Variants in ZNF316 observed in about 807,000 individuals in gnomAD.
ZNF316 encodes the protein zinc finger protein 316.
A neutral mutation model predicts 75.6 loss-of-function variants in ZNF316; 23 were observed. That is an observed-to-expected ratio of 0.30 (90% CI 0.22 to 0.43). The LOEUF (loss-of-function observed/expected upper bound fraction) is 0.43, where lower values mean the gene tolerates loss of function less well. Ranked by LOEUF, ZNF316 falls within the 20% of genes least tolerant of loss-of-function variation. The probability of loss-of-function intolerance (pLI) is 1.00; values close to 1 mark genes in which losing one functional copy is unlikely to be tolerated. For missense variants in ZNF316, 1,266 were observed against 1,409.4 expected (o/e 0.90, Z 1.63); for synonymous variants, 827 against 666.2 (o/e 1.24, Z -3.72).
intron 2 of ZNF316, among the ~76,000 whole-genome samples, chr7:6,638,318 C>T (rs996024180): frequency 5.9e-5 from 9 of 152,176 alleles, no homozygotes; most frequent in African/African-American, 2.2e-4. Flanking sequence ...ATCCAGAATC[C>T]GAGGACAGAC....
chr7:6,637,469 G>T lies in ZNF316; in HGVS notation c.-431+22G>T. 6.8e-6 allele frequency: 1 copy of T among 146,332 alleles called. No homozygotes were observed. The highest frequency in any genetic ancestry group is 1.9e-4 in the South Asian group (1 of 5,326). The allele number at this position is 146,332 out of a possible 1,614,324, so 9.1% of individuals were successfully genotyped here. On this transcript the variant is annotated intron_variant, in intron 1 of 8. Transcript: ENST00000382252. The surrounding 1 kb of genome is among the most constrained non-coding windows in gnomAD (Gnocchi z 6.2). Reference sequence around the variant, plus strand: ...CGCGGTGAGTGGGTCTCGCGGGGCCGGTGGGCGGCGGCGCGGGCGGCAGGT... The same window carrying T: ...CGCGGTGAGTGGGTCTCGCGGGGCCTGTGGGCGGCGGCGCGGGCGGCAGGT...
At position 6,654,831 on chromosome 7, in the gene ZNF316, C is replaced by T. The variant is rs955586972; in HGVS notation, c.*220C>T. 2.2e-5 allele frequency: 7 copies of T among 320,972 alleles called. No individual in the cohort carries two copies. The highest frequency in any genetic ancestry group is 1.3e-4 in the African/African-American group (6 of 44,900). 19.9% of individuals were successfully genotyped at this position (320,972 alleles called of 1,614,324 possible). ...TCTGGGGAGAAGAGCAGCGCGGAGG[C>T]AGCGAGGCCAGGACGTCACCCCCAC... On this transcript the variant is annotated 3_prime_UTR_variant, in exon 9 of 9. Coordinates refer to ENST00000382252, the MANE Select transcript of ZNF316 (RefSeq NM_001278559.2).
rs528297003 is a variant in ZNF316 at position 6,642,356 on chromosome 7, G to A, written c.-28-26G>A. ...CCGTGTGGTGTGCTGAGAGCAGCCC[G>A]TCACTGGCGTCCATCTGCATTTCAG... is the stretch of plus-strand genomic sequence containing the variant. On this transcript the variant is annotated intron_variant, in intron 4 of 8. Transcript: ENST00000382252. The surrounding 1 kb of genome is among the most constrained non-coding windows in gnomAD (Gnocchi z 8.1). 4.3e-6 allele frequency: 5 copies of A among 1,156,868 alleles called. No homozygotes were observed. Among genetic ancestry groups the A allele is most frequent in the South Asian group, 8.9e-5 (2 of 22,454 alleles). 71.7% of individuals were successfully genotyped at this position (1,156,868 alleles called of 1,614,324 possible). A position where few individuals can be genotyped will look rare whatever the true frequency, so the allele number is the denominator to read the frequency against.
chr7:6,643,012 A>G lies in ZNF316; in HGVS notation c.404A>G (p.Glu135Gly). 8.1e-7 allele frequency: 1 copy of G among 1,238,624 alleles called. No individual in the cohort carries two copies. The highest frequency in any genetic ancestry group is 1.0e-6 in the Non-Finnish European group (1 of 992,014). 76.7% of individuals were successfully genotyped at this position (1,238,624 alleles called of 1,614,324 possible). A position where few individuals can be genotyped will look rare whatever the true frequency, so the allele number is the denominator to read the frequency against. ...APATPRDEDL[E>G]EEEEEEEDED... ...GCCACTCCTAGGGATGAGGACCTGG[A>G]GGAGGAGGAAGAGGAGGAGGAGGAT... The change falls in exon 6 of 9, where the codon GAG (glutamate) becomes GGG (glycine). Residue 135 changes from glutamate to glycine, a missense_variant. This residue lies in a region of ZNF316 where 961 missense variants were observed against 990.9 expected (regional missense o/e 0.97). Transcript: ENST00000382252.
rs1474726526 is a variant in ZNF316 at position 6,656,798 on chromosome 7, A to G, written c.*2187A>G. Among the ~76,000 whole-genome samples, 1 of 152,158 alleles carries G rather than the reference A, an allele frequency of 6.6e-6. No individual in the cohort carries two copies. The highest frequency in any genetic ancestry group is 1.5e-5 in the Non-Finnish European group (1 of 68,034). On this transcript the variant is annotated 3_prime_UTR_variant, in exon 9 of 9. Transcript: ENST00000382252. Reference sequence around the variant, plus strand: ...CAGCCCTTTCTTCAGAGGCCCCAGCACCATGTGGCTCATCCAGGGCTCACC... The same window carrying G: ...CAGCCCTTTCTTCAGAGGCCCCAGCGCCATGTGGCTCATCCAGGGCTCACC...
chr7:6,654,714 C>G lies in ZNF316; in HGVS notation c.*103C>G. ...GCCCCGGGAGGCTGAGGGTCCCAGTCCTGGGTGCGGTGCCTTCCCTCAGCC... is the reference window on the plus strand; with the variant it reads ...GCCCCGGGAGGCTGAGGGTCCCAGTGCTGGGTGCGGTGCCTTCCCTCAGCC... On this transcript the variant is annotated 3_prime_UTR_variant, in exon 9 of 9. Transcript: ENST00000382252. The G allele has an allele frequency of 9.8e-7, 1 of 1,016,000 alleles. No individual in the cohort carries two copies. Among genetic ancestry groups the G allele is most frequent in the South Asian group, 4.9e-5 (1 of 20,254 alleles). 62.9% of individuals were successfully genotyped at this position (1,016,000 alleles called of 1,614,324 possible).
chr7:6,639,434 G>A lies in ZNF316; in HGVS notation c.-167+293G>A, dbSNP rs1157807093. On this transcript the variant is annotated intron_variant, in intron 3 of 8. Transcript: ENST00000382252. The surrounding 1 kb of genome is among the most constrained non-coding windows in gnomAD (Gnocchi z 4.2). ...GTATTTTTAAGATGTGGTGAGTGCT[G>A]TGAGGGAAGAATTACAGGGAACTGT... Among the ~76,000 whole-genome samples the A allele has an allele frequency of 2.0e-5, 3 of 152,218 alleles. No individual in the cohort carries two copies. Among genetic ancestry groups the A allele is most frequent in the Non-Finnish European group, 4.4e-5 (3 of 68,042 alleles).
chr7:6,654,491 T>C lies in ZNF316; in HGVS notation c.2895T>C (p.Ser965=), dbSNP rs1779580404. ...AGGCGGCCGCCAAGGGGCCGTCCAG[T>C]GCCGGCCCCGGTGAGCGCGGCAGCG... is the stretch of plus-strand genomic sequence containing the variant. ...KPEAAAKGPS[S]AGPGERGSAL... The change falls in exon 9 of 9, where the codon AGT becomes AGC. Residue 965 remains serine, a synonymous_variant. Transcript: ENST00000382252. The C allele has an allele frequency of 2.5e-6, 3 of 1,181,698 alleles. No individual in the cohort carries two copies. In the South Asian group the frequency reaches 1.3e-4, roughly 49 times the overall value. 73.2% of individuals were successfully genotyped at this position (1,181,698 alleles called of 1,614,324 possible). A position where few individuals can be genotyped will look rare whatever the true frequency, so the allele number is the denominator to read the frequency against.
rs200980933 is a variant in ZNF316 at position 6,642,296 on chromosome 7, G to GCC, written c.-28-82_-28-81dup. The GCC allele has an allele frequency of 2.0e-3, 1,177 of 589,982 alleles. 9 individuals are homozygous for GCC. The African/African-American group carries it at 0.02, about 10-fold the overall frequency. The allele number at this position is 589,982 out of a possible 1,614,324, so 36.5% of individuals were successfully genotyped here. ...AGGAGGAGTAAATCCTGCTCCCTGC[G>GCC]CCCCCGCCAGGCTGCGGGAGACCCT... On this transcript the variant is annotated intron_variant, in intron 4 of 8. Transcript: ENST00000382252. This position sits in a 1 kb window ranked among gnomAD's most constrained non-coding sequence, Gnocchi z 8.1.
In ZNF316 at chr7:6,652,934, G is replaced by A. The variant is rs1267406801; in HGVS notation, c.1338G>A (p.Thr446=). ...TCGGGCGCCGCTCCTACCTGGTCACGCACCAGCGCACGCACACCGGCGAGC... is the reference window on the plus strand; with the variant it reads ...TCGGGCGCCGCTCCTACCTGGTCACACACCAGCGCACGCACACCGGCGAGC... The part of the protein sequence containing the change: ...AGFGRRSYLV[T]HQRTHTGERP... The change falls in exon 9 of 9, where the codon ACG becomes ACA. Residue 446 remains threonine, a synonymous_variant. Coordinates refer to ENST00000382252, the MANE Select transcript of ZNF316 (RefSeq NM_001278559.2). The A allele has an allele frequency of 3.2e-6, 4 of 1,240,072 alleles. No individual in the cohort carries two copies. The highest frequency in any genetic ancestry group is 3.8e-5 in the South Asian group (1 of 26,610). 76.8% of individuals were successfully genotyped at this position (1,240,072 alleles called of 1,614,324 possible).
rs1195552409 is a variant in ZNF316, at chr7:6,643,009, TGGAGGAGGAGGAAGA to T, written c.414_428del (p.Glu138_Glu142del). On this transcript the variant is annotated inframe_deletion, in exon 6 of 9. Transcript: ENST00000382252. Reference sequence around the variant, plus strand: ...CCAGCCACTCCTAGGGATGAGGACCTGGAGGAGGAGGAAGAGGAGGAGGAGGATGAGGACGAGGAT... The same window carrying T: ...CCAGCCACTCCTAGGGATGAGGACCTGGAGGAGGAGGATGAGGACGAGGAT... The T allele has an allele frequency of 2.6e-5, 32 of 1,233,864 alleles. No homozygotes were observed. The highest frequency in any genetic ancestry group is 4.2e-5 in the Admixed American group (1 of 23,660). 76.4% of individuals were successfully genotyped at this position (1,233,864 alleles called of 1,614,324 possible).
intron 8 of ZNF316, among the ~76,000 whole-genome samples, chr7:6,649,679 C>G (rs945288358): frequency 1.3e-5 from 2 of 152,252 alleles, no homozygotes; most frequent in East Asian, 3.9e-4. Context: ...GAGTGCAGCC[C>G]GCTCAGACTC....
At position 6,653,632 on chromosome 7, in the gene ZNF316, C is replaced by T. The variant is rs1779561128; in HGVS notation, c.2036C>T (p.Pro679Leu). The T allele has an allele frequency of 9.4e-7, 1 of 1,062,666 alleles. No homozygotes were observed. Among genetic ancestry groups the T allele is most frequent in the African/African-American group, 1.7e-5 (1 of 57,924 alleles). The allele number at this position is 1,062,666 out of a possible 1,614,324, so 65.8% of individuals were successfully genotyped here. Residue 679 changes from proline to leucine, a missense_variant, in exon 9 of 9, where the codon CCC becomes CTC. This residue lies in a region of ZNF316 where 961 missense variants were observed against 990.9 expected (regional missense o/e 0.97). Coordinates refer to ENST00000382252, the MANE Select transcript of ZNF316 (RefSeq NM_001278559.2). The stretch of plus-strand genomic sequence containing the variant: ...GCCATCGGGGGTCTGCTGGCGGAGC[C>T]CGCGCCGGCCGCGCTGGCGGAGGAG... ...GPAIGGLLAE[P>L]APAALAEEES...
intron 8 of ZNF316, among the ~76,000 whole-genome samples, chr7:6,645,993 CAAA>C (rs58670070): frequency 0.024 from 2,341 of 98,930 alleles, 68 homozygotes; most frequent in African/African-American, 0.079. Flanking sequence ...GACGCCATCT[CAAA>C]AAAAAAAAAA....
chr7:6,642,209 G>A lies in ZNF316; in HGVS notation c.-28-173G>A, dbSNP rs1470785155. 2 of 396,006 alleles carry A rather than the reference G, an allele frequency of 5.1e-6. No individual in the cohort carries two copies. Among genetic ancestry groups the A allele is most frequent in the Non-Finnish European group, 8.9e-6 (2 of 225,420 alleles). 24.5% of individuals were successfully genotyped at this position (396,006 alleles called of 1,614,324 possible). A position where few individuals can be genotyped will look rare whatever the true frequency, so the allele number is the denominator to read the frequency against. On this transcript the variant is annotated intron_variant, in intron 4 of 8. Coordinates refer to ENST00000382252, the MANE Select transcript of ZNF316 (RefSeq NM_001278559.2). The surrounding 1 kb of genome is among the most constrained non-coding windows in gnomAD (Gnocchi z 8.1). Reference sequence around the variant, plus strand: ...TCTGGGTACAGAATGTCTTGATGGTGCAGGGTAAGATCGTGGGAAGGCCCG... The same window carrying A: ...TCTGGGTACAGAATGTCTTGATGGTACAGGGTAAGATCGTGGGAAGGCCCG...
At position 6,642,965 on chromosome 7, in the gene ZNF316, C is replaced by T; in HGVS notation, c.357C>T (p.Gly119=). 2.4e-6 allele frequency: 3 copies of T among 1,232,520 alleles called. No individual in the cohort carries two copies. Among genetic ancestry groups the T allele is most frequent in the Non-Finnish European group, 2.0e-6 (2 of 988,418 alleles). 76.3% of individuals were successfully genotyped at this position (1,232,520 alleles called of 1,614,324 possible). A position where few individuals can be genotyped will look rare whatever the true frequency, so the allele number is the denominator to read the frequency against. Residue 119 remains glycine, a splice_region_variant and synonymous_variant, in exon 6 of 9, where the codon GGC becomes GGT. Coordinates refer to ENST00000382252, the MANE Select transcript of ZNF316 (RefSeq NM_001278559.2). This position sits in a 1 kb window ranked among gnomAD's most constrained non-coding sequence, Gnocchi z 8.1. ...DAKSPVLQEK[G]LQASRAPATP... ...GCCCTAAGAGATCTCTCCCCACAGG[C>T]CTGCAGGCCTCCCGGGCTCCAGCCA...
rs912707261 is a variant in ZNF316 at position 6,655,413 on chromosome 7, T to G, written c.*802T>G. The G allele has an allele frequency of 1.3e-5, 2 of 152,238 alleles. No homozygotes were observed. The highest frequency in any genetic ancestry group is 6.6e-5 in the Admixed American group (1 of 15,262). 9.4% of individuals were successfully genotyped at this position (152,238 alleles called of 1,614,324 possible). On this transcript the variant is annotated 3_prime_UTR_variant, in exon 9 of 9. Transcript: ENST00000382252. ...GGCACCCTCCGCACCGGTTCGGTTTTGGTCTCTGCTTGTCCTCTCAGTCCT... is the reference window on the plus strand; with the variant it reads ...GGCACCCTCCGCACCGGTTCGGTTTGGGTCTCTGCTTGTCCTCTCAGTCCT...
rs999900115 is a variant in ZNF316 at position 6,652,419 on chromosome 7, G to A, written c.823G>A (p.Gly275Ser). The change falls in exon 9 of 9, where the codon GGC becomes AGC. Residue 275 changes from glycine to serine, a missense_variant. By Grantham distance (56) the Gly-to-Ser change is moderately conservative (BLOSUM62 0). Transcript: ENST00000382252. ...EPPGLWSAAY[G>S]VGDVPGTWGP... is the part of the protein sequence containing the mutation. ...CCCAGGGCTCTGGTCGGCGGCCTAC[G>A]GCGTGGGGGACGTGCCTGGGACGTG... The A allele has an allele frequency of 2.4e-6, 3 of 1,232,080 alleles. No homozygotes were observed. The highest frequency in any genetic ancestry group is 3.0e-6 in the Non-Finnish European group (3 of 988,022). The allele number at this position is 1,232,080 out of a possible 1,614,324, so 76.3% of individuals were successfully genotyped here.
chr7:6,653,386 G>C lies in ZNF316; in HGVS notation c.1790G>C (p.Gly597Ala). The C allele has an allele frequency of 8.2e-7, 1 of 1,226,826 alleles. No individual in the cohort carries two copies. The highest frequency in any genetic ancestry group is 1.0e-6 in the Non-Finnish European group (1 of 985,264). The allele number at this position is 1,226,826 out of a possible 1,614,324, so 76.0% of individuals were successfully genotyped here. A position where few individuals can be genotyped will look rare whatever the true frequency, so the allele number is the denominator to read the frequency against. The change falls in exon 9 of 9, where the codon GGC becomes GCC. Residue 597 changes from glycine to alanine, a missense_variant. Transcript: ENST00000382252. ...GAAGGCCCCTCCTCCCACCCGCTGG[G>C]CTTCCACTTCCCCGTGCACCCCAAG... Reference protein sequence around the residue: ...EGEGPSSHPLGFHFPVHPKSW... With the variant: ...EGEGPSSHPLAFHFPVHPKSW...
Sources: gnomAD v4.1 joint callset for allele counts (sites outside exome capture counted in the v4.1 genomes callset) on GRCh38, gnomAD v4.1.1 for gene constraint, gnomAD v4.1.1 regional missense constraint, Gnocchi (gnomAD v3.1) non-coding constraint, MANE v1.5 for transcripts, NCBI Gene and HGNC (gene_info 2026-07-23, HGNC 2026-07-21) for gene names.